PUM2: variants seen among roughly 807,000 people sequenced by gnomAD.
The protein encoded by PUM2 is pumilio homolog 2.
PUM2 carries 57 observed loss-of-function variants against 124.5 expected under a neutral mutation model. The observed-to-expected ratio is 0.46, with a 90% CI of 0.37 to 0.57. The LOEUF is 0.57. Ranked by LOEUF, PUM2 falls within the 20% of genes least tolerant of loss-of-function variation. PUM2 has a pLI of 0.00. For synonymous variants in PUM2, 460 were observed against 446.1 expected (o/e 1.03, Z -0.39); for missense variants, 1,065 against 1,290.6 (o/e 0.83, Z 2.68).
rs369918916 is a variant in PUM2, at chr2:20,266,636, G to A, written c.1958-3176C>T. ...AAAACCCAATTTTTAACATACATTA[G>A]ACATTTTAAATTTTGTTGTCTAAAT... On this transcript the variant is annotated intron_variant, in intron 13 of 20. Coordinates refer to ENST00000361078, the MANE Select transcript of PUM2 (RefSeq NM_015317.5). 1.4e-4 allele frequency among the ~76,000 whole-genome samples: 21 copies of A among 152,204 alleles called. No individual in the cohort carries two copies. The East Asian group carries it at 3.3e-3, about 24-fold the overall frequency.
chr2:20,350,855 C>T, upstream of PUM2: 1 of 957,676 alleles, frequency 1.0e-6, no homozygotes, highest in Non-Finnish European at 1.2e-6. Flanking sequence ...CCCCCCCGCC[C>T]ACCGGGCGCG....
chr2:20,327,296 T>G lies in PUM2; in HGVS notation c.51+14A>C. 1 of 1,517,862 alleles carries G rather than the reference T, an allele frequency of 6.6e-7. No individual in the cohort carries two copies. The highest frequency in any genetic ancestry group is 1.4e-5 in the African/African-American group (1 of 72,242). 94.0% of individuals were successfully genotyped at this position (1,517,862 alleles called of 1,614,324 possible). On this transcript the variant is annotated intron_variant, in intron 2 of 20. Coordinates refer to ENST00000361078, the MANE Select transcript of PUM2 (RefSeq NM_015317.5). Reference sequence around the variant, plus strand: ...AAAGTGAGGTGTAAGTTCTTAGTATTTGCAAACATTTACCTCTCCCATTCC... The same window carrying G: ...AAAGTGAGGTGTAAGTTCTTAGTATGTGCAAACATTTACCTCTCCCATTCC...
intron 8 of PUM2, among the ~76,000 whole-genome samples, chr2:20,296,040 T>C (rs925131313): frequency 6.6e-6 from 1 of 152,208 alleles, no homozygotes; most frequent in African/African-American, 2.4e-5. Context: ...CTTTACATAG[T>C]AACATCCAGT....
intron 1 of PUM2, among the ~76,000 whole-genome samples, chr2:20,343,790 A>G (rs2149104908): frequency 6.6e-6 from 1 of 152,262 alleles, no homozygotes; most frequent in South Asian, 2.1e-4. Flanking sequence ...CTAGTTGGGT[A>G]TGATGTTGTG....
At chr2:20,307,006 G>A (rs1054247398) in intron 7 of PUM2, among the ~76,000 whole-genome samples, 6 of 151,860 alleles carry the variant, frequency 4.0e-5, no homozygotes, top group South Asian at 2.1e-4. Flanking sequence ...CCTGAGATCC[G>A]GAGTTCAAGA....
rs1279211344 is a variant in PUM2 at position 20,253,890 on chromosome 2, C to T, written c.2995G>A (p.Ala999Thr). The T allele has an allele frequency of 6.2e-7, 1 of 1,613,872 alleles. No homozygotes were observed. Among genetic ancestry groups the T allele is most frequent in the African/African-American group, 1.3e-5 (1 of 74,912 alleles). Residue 999 changes from alanine to threonine, a missense_variant, in exon 20 of 21, where the codon GCC becomes ACC. Physicochemically the swap from Ala to Thr is moderately conservative, Grantham distance 58 (BLOSUM62 0). Transcript: ENST00000361078. ...ATCATCTTTTGAACCACGTAATTGG[C>T]ATACTGGTCCTTCATCATGGTGTAT... is the stretch of plus-strand genomic sequence containing the variant. ...ALYTMMKDQY[A>T]NYVVQKMIDM...
At chr2:20,323,340 C>T (rs770696490) in intron 2 of PUM2, among the ~76,000 whole-genome samples, 4 of 150,324 alleles carry the variant, frequency 2.7e-5, no homozygotes, top group Non-Finnish European at 3.0e-5. Context: ...CCCAGCTACT[C>T]GGGAGGCTGA....
upstream of PUM2, chr2:20,350,881 G>A (rs1401797568): frequency 4.1e-6 from 3 of 725,426 alleles, no homozygotes; most frequent in Non-Finnish European, 5.1e-6. Flanking sequence ...TGCACCCCGG[G>A]AGAAAGGGGA....
Position 20,290,701 on chromosome 2 carries a change from T to C in PUM2, c.1242A>G (p.Ala414=), listed in dbSNP as rs774459231. Residue 414 remains alanine (A), a synonymous_variant, in exon 10 of 21, where the codon GCA becomes GCG. Transcript: ENST00000361078. ...QQAESLAAAA[A]ANPTLAFGQG... is the part of the protein sequence containing the mutation. ...GACCAAAAGCCAATGTTGGATTTGCTGCTGCAGCTGCCGCAAGTGATTCTG... is the reference window on the plus strand; with the variant it reads ...GACCAAAAGCCAATGTTGGATTTGCCGCTGCAGCTGCCGCAAGTGATTCTG... 1.3e-5 allele frequency: 21 copies of C among 1,613,456 alleles called. No individual in the cohort carries two copies. The South Asian group carries it at 1.9e-4, about 14-fold the overall frequency.
At chr2:20,342,818 T>C (rs1176685271) in intron 1 of PUM2, among the ~76,000 whole-genome samples, 1 of 152,196 alleles carries the variant, frequency 6.6e-6, no homozygotes, top group African/African-American at 2.4e-5. Context: ...AACTTTAAAG[T>C]GAGATGAAAT....
Position 20,251,623 on chromosome 2 carries a change from G to A in PUM2, c.3157C>T (p.Leu1053=). The change falls in exon 21 of 21, where the codon CTA becomes TTA. Residue 1053 remains leucine (L), a synonymous_variant. Transcript: ENST00000361078. ...EKYYLKNSPD[L]GPIGGPPNGM... ...TTTGGTGGTCCTCCAATAGGTCCTA[G>A]GTCCGGGCTATTCTTCAAATAATAC... The A allele has an allele frequency of 2.5e-6, 4 of 1,613,910 alleles. No homozygotes were observed. The highest frequency in any genetic ancestry group is 3.4e-6 in the Non-Finnish European group (4 of 1,179,860).
chr2:20,267,771 C>G (rs1162943888), intron 13 of PUM2, among the ~76,000 whole-genome samples: 1 of 152,102 alleles, frequency 6.6e-6, no homozygotes, highest in Non-Finnish European at 1.5e-5. Flanking sequence ...CAGCCAAGAC[C>G]CTTAGGCCAG....
chr2:20,267,834 T>C (rs1278478826), intron 13 of PUM2, among the ~76,000 whole-genome samples: 1 of 152,192 alleles, frequency 6.6e-6, no homozygotes, highest in Non-Finnish European at 1.5e-5. Flanking sequence ...ACATCTTTCA[T>C]GTTCATTCAT....
intron 19 of PUM2, 27 bp from the exon 20 acceptor site, chr2:20,254,041 ATT>A (rs1255267108): frequency 6.3e-7 from 1 of 1,575,452 alleles, no homozygotes; most frequent in African/African-American, 1.4e-5. Context: ...ATAAACAAAG[ATT>A]TGTTATTTTT....
At chr2:20,298,783 G>A (rs552551582) in intron 7 of PUM2, among the ~76,000 whole-genome samples, 8 of 152,244 alleles carry the variant, frequency 5.3e-5, no homozygotes, top group Admixed American at 4.6e-4. Flanking sequence ...AGGTTGGAGT[G>A]AGCCGAGATA....
chr2:20,258,206 A>G, intron 16 of PUM2, 37 bp downstream of exon 16: 3 of 1,510,962 alleles, frequency 2.0e-6, no homozygotes, highest in Non-Finnish European at 2.7e-6. Flanking sequence ...AAAATTGAAT[A>G]AAATAATACA....
chr2:20,287,506 G>GAA (rs201758865), intron 10 of PUM2, among the ~76,000 whole-genome samples: 1 of 151,122 alleles, frequency 6.6e-6, no homozygotes. Flanking sequence ...TTTTAAGCTA[G>GAA]AAAAAAAAAG....
chr2:20,269,937 T>G (rs550533283), intron 13 of PUM2, among the ~76,000 whole-genome samples: 9 of 152,194 alleles, frequency 5.9e-5, no homozygotes, highest in African/African-American at 2.2e-4. Flanking sequence ...TTAGTTAACA[T>G]AACATAGTCT....
At chr2:20,348,606 G>A (rs921350003) in intron 1 of PUM2, among the ~76,000 whole-genome samples, 2 of 152,200 alleles carry the variant, frequency 1.3e-5, no homozygotes, top group Admixed American at 6.5e-5. Flanking sequence ...TACCTACTCC[G>A]GAAGGCAAAT....
Sources: allele counts gnomAD v4.1 joint callset (sites outside exome capture counted in the v4.1 genomes callset), GRCh38; gene constraint gnomAD v4.1.1; transcripts MANE v1.5; gene names NCBI Gene and HGNC (gene_info 2026-07-23, HGNC 2026-07-21).